KLHL13: variants seen among roughly 807,000 people sequenced by gnomAD.
KLHL13 encodes the protein kelch-like protein 13.
In KLHL13, 10 loss-of-function variants were observed where a neutral mutation model predicts 37.1. The ratio of observed to expected loss-of-function variants is 0.27; its 90% CI spans 0.17 to 0.46. KLHL13 has a LOEUF of 0.46. KLHL13 is among the 20% of genes least tolerant of loss of function. The pLI is 1.00. For synonymous variants in KLHL13, 163 were observed against 181.2 expected, an observed-to-expected ratio of 0.90 and a Z score of 0.81; for missense variants, 360 against 509.3, an observed-to-expected ratio of 0.71 and a Z score of 2.82.
At chrX:117,989,579 G>A (rs1195534314) in intron 1 of KLHL13, among the ~76,000 whole-genome samples, 2 of 110,401 alleles carry the variant, frequency 1.8e-5, no homozygotes, top group African/African-American at 6.6e-5. Context: ...TTACATAAAT[G>A]ATCAACCTAT....
intron 1 of KLHL13, among the ~76,000 whole-genome samples, chrX:118,081,299 C>A (rs1457487418): frequency 9.0e-6 from 1 of 111,426 alleles, no homozygotes; most frequent in Non-Finnish European, 1.9e-5. Context: ...ATTGTGTGCA[C>A]ACCTGTGCCA....
upstream of KLHL13, chrX:118,117,196 C>A (rs1207401910): frequency 8.9e-6 from 1 of 112,873 alleles, no homozygotes; most frequent in Non-Finnish European, 1.9e-5. Flanking sequence ...CCCGTGCATT[C>A]TGCCAGCCGT....
intron 1 of KLHL13, among the ~76,000 whole-genome samples, chrX:117,999,256 C>T (rs903478459): frequency 1.8e-5 from 2 of 111,602 alleles, no homozygotes; most frequent in Non-Finnish European, 3.8e-5. Flanking sequence ...ATGCTTATTG[C>T]GGCACTACTC....
intron 1 of KLHL13, among the ~76,000 whole-genome samples, chrX:117,986,655 C>T (rs1243499783): frequency 8.9e-6 from 1 of 111,772 alleles, no homozygotes; most frequent in Non-Finnish European, 1.9e-5. Context: ...CGCCTTTGCT[C>T]CAGAGGTCCC....
At chrX:118,084,203 C>T (rs1225897774) in intron 1 of KLHL13, among the ~76,000 whole-genome samples, 6 of 110,671 alleles carry the variant, frequency 5.4e-5, no homozygotes, top group Non-Finnish European at 1.1e-4. Context: ...TGGTCACATG[C>T]ACCTGTAGTC....
chrX:117,898,923 A>G, exon 7 of KLHL13: 4 of 1,204,984 alleles, frequency 3.3e-6, no homozygotes, highest in Non-Finnish European at 3.4e-6. Flanking sequence ...GTGCAGAAAG[A>G]GGGGACTCTC....
chrX:118,044,081 T>C (rs181568578), intron 1 of KLHL13, among the ~76,000 whole-genome samples: 137 of 112,222 alleles, frequency 1.2e-3, no homozygotes, highest in Middle Eastern at 9.2e-3. Context: ...GTAGCATTTC[T>C]ATATGTCAAA....
intron 1 of KLHL13, among the ~76,000 whole-genome samples, chrX:118,029,895 G>A (rs1225353502): frequency 9.0e-6 from 1 of 110,972 alleles, no homozygotes; most frequent in Non-Finnish European, 1.9e-5. Flanking sequence ...TTGAGCCCAA[G>A]AGGCAGAGGT....
chrX:117,903,677 G>A (rs1273290077), intron 5 of KLHL13, among the ~76,000 whole-genome samples: 1 of 110,486 alleles, frequency 9.1e-6, no homozygotes, highest in Non-Finnish European at 1.9e-5. Flanking sequence ...CTAGTGCATT[G>A]ATTGGTACTT....
chrX:118,041,664 AG>A (rs2054507738), intron 1 of KLHL13, among the ~76,000 whole-genome samples: 1 of 112,271 alleles, frequency 8.9e-6, no homozygotes, highest in Admixed American at 9.5e-5. Context: ...AGCCGTCAAC[AG>A]TTTAAATAAT....
At chrX:117,898,700 T>C (rs1263585756) in exon 7 of KLHL13, 1 of 390,617 alleles carries the variant, frequency 2.6e-6, no homozygotes, top group East Asian at 4.1e-5. Context: ...TTCTATGGGA[T>C]ACATTTCCAG....
At chrX:117,999,368 A>T (rs2053894011) in intron 1 of KLHL13, among the ~76,000 whole-genome samples, 2 of 111,551 alleles carry the variant, frequency 1.8e-5, no homozygotes, top group South Asian at 3.8e-4. Flanking sequence ...CAGCCATAAA[A>T]AAGGATGAGT....
In KLHL13 at chrX:117,916,820, T is replaced by G. The variant is rs192710426; in HGVS notation, c.570+2701A>C. 3.0e-3 allele frequency among the ~76,000 whole-genome samples: 336 copies of G among 112,131 alleles called. 2 individuals carry two copies. The highest frequency in any genetic ancestry group is 5.5e-3 in the Non-Finnish European group (290 of 53,153). ...TGTGAACTATAATATCACTATATCA[T>G]TAAAAACATAAAGCCTATTTCCTCT... On this transcript the variant is annotated intron_variant, in intron 4 of 6. Coordinates refer to ENST00000262820, the Ensembl canonical transcript of KLHL13.
Position 117,924,876 on chromosome X carries a change from A to G in KLHL13, c.241-4506T>C, listed in dbSNP as rs138624313. 9.4e-3 allele frequency among the ~76,000 whole-genome samples: 1,040 copies of G among 110,947 alleles called. 17 individuals carry two copies. The highest frequency in any genetic ancestry group is 0.032 in the African/African-American group (964 of 30,593). ...TAATGCTATTTTGATGCTGGAAAAT[A>G]GCATTTTAATGCTATTTTTAATGTT... is the stretch of plus-strand genomic sequence containing the variant. On this transcript the variant is annotated intron_variant, in intron 2 of 6. Transcript: ENST00000262820.
intron 1 of KLHL13, among the ~76,000 whole-genome samples, chrX:118,100,343 C>T (rs1010510785): frequency 6.3e-5 from 7 of 111,122 alleles, no homozygotes; most frequent in African/African-American, 2.3e-4. Flanking sequence ...ATTGGCGTAA[C>T]GTGAAAATTT....
intron 1 of KLHL13, among the ~76,000 whole-genome samples, chrX:118,066,992 A>AGTC (rs2054801624): frequency 8.9e-6 from 1 of 111,888 alleles, no homozygotes; most frequent in Non-Finnish European, 1.9e-5. Flanking sequence ...TTGTAAGTAC[A>AGTC]GTCATGCATC....
chrX:117,989,296 A>T (rs1431723364), intron 1 of KLHL13, among the ~76,000 whole-genome samples: 1 of 111,203 alleles, frequency 9.0e-6, no homozygotes, highest in Non-Finnish European at 1.9e-5. Flanking sequence ...CTCATGAAGA[A>T]ACAGAGCTGT....
chrX:117,958,930 T>C (rs923080951), intron 1 of KLHL13, among the ~76,000 whole-genome samples: 1 of 111,771 alleles, frequency 8.9e-6, no homozygotes, highest in Admixed American at 9.6e-5. Flanking sequence ...CAACTTTCCT[T>C]ACTATTATTT....
rs56763451 is a variant in KLHL13 at position 118,054,962 on chromosome X, TAA to T, written c.-56+61544_-56+61545del. Among the ~76,000 whole-genome samples the T allele has an allele frequency of 3.4e-3, 346 of 100,701 alleles. 2 individuals carry two copies. Among genetic ancestry groups the T allele is most frequent in the African/African-American group, 8.9e-3 (249 of 27,922 alleles). 87.4% of individuals were successfully genotyped at this position (100,701 alleles called of 115,157 possible). ...TTTAGTAAGTGATTTTCAAATATGG[TAA>T]AAAAAAAAAAAACTGGCAAATCACC... On this transcript the variant is annotated intron_variant, in intron 1 of 6. Coordinates refer to the KLHL13 transcript ENST00000371882.
Sources: gnomAD v4.1 joint callset for allele counts (sites outside exome capture counted in the v4.1 genomes callset) on GRCh38, gnomAD v4.1.1 for gene constraint, MANE v1.5 for transcripts, NCBI Gene and HGNC (gene_info 2026-07-23, HGNC 2026-07-21) for gene names.